The following TIAM2 variants were observed in gnomAD, a reference collection of about 807,000 sequenced individuals.
TIAM2 encodes TIAM Rac1 associated GEF 2, also known as rho guanine nucleotide exchange factor TIAM2.
In TIAM2, 80 loss-of-function variants were observed where a neutral mutation model predicts 152.9. The ratio of observed to expected loss-of-function variants is 0.52; its 90% CI spans 0.44 to 0.63. The LOEUF (loss-of-function observed/expected upper bound fraction) is 0.63. Ranked by LOEUF, TIAM2 falls within the 30% of genes least tolerant of loss-of-function variation. The pLI, the probability that TIAM2 is intolerant of heterozygous loss-of-function variation, is 0.00. For synonymous variants in TIAM2, 804 were observed against 838.0 expected, an observed-to-expected ratio of 0.96 and a Z score of 0.70; for missense variants, 1,965 against 2,120.1, an observed-to-expected ratio of 0.93 and a Z score of 1.44.
At position 155,009,046 on chromosome 6, in the gene TIAM2, C is replaced by T. The variant is rs138526032; in HGVS notation, c.-209+13554C>T. On this transcript the variant is annotated intron_variant, in intron 1 of 26. Coordinates refer to ENST00000682666, the MANE Select transcript of TIAM2 (RefSeq NM_012454.4). ...CAGAATCACCTGGAGGGCTTGCTAACGCATAAATCTCTGGGTCCTGTCCTC... is the reference window on the plus strand; with the variant it reads ...CAGAATCACCTGGAGGGCTTGCTAATGCATAAATCTCTGGGTCCTGTCCTC... 6.5e-4 allele frequency among the ~76,000 whole-genome samples: 95 copies of T among 145,996 alleles called. No homozygotes were observed. The East Asian group carries it at 0.013, about 20-fold the overall frequency.
chr6:154,999,966 C>G (rs143362904), intron 1 of TIAM2, among the ~76,000 whole-genome samples: 1 of 152,154 alleles, frequency 6.6e-6, no homozygotes, highest in South Asian at 2.1e-4. Flanking sequence ...TGTGAGCCAC[C>G]GCGCCCAACC....
intron 15 of TIAM2, among the ~76,000 whole-genome samples, chr6:155,237,556 C>T (rs1168822754): frequency 6.6e-6 from 1 of 152,228 alleles, no homozygotes; most frequent in Non-Finnish European, 1.5e-5. Context: ...AGAGCCCTGC[C>T]CCTGCAGCAA....
intron 15 of TIAM2, among the ~76,000 whole-genome samples, chr6:155,215,332 C>A (rs554697471): frequency 6.6e-6 from 1 of 152,094 alleles, no homozygotes; most frequent in African/African-American, 2.4e-5. Flanking sequence ...GAAATTGGGG[C>A]CGTCTGAGCT....
At chr6:155,140,573 T>TGTGTGAGAGA (rs1331424200) in intron 5 of TIAM2, among the ~76,000 whole-genome samples, 15 of 107,470 alleles carry the variant, frequency 1.4e-4, no homozygotes, top group African/African-American at 5.4e-4. Flanking sequence ...TGTGTGTGTG[T>TGTGTGAGAGA]GAGAGAGAGA....
At chr6:155,122,513 T>A (rs1000062581) in intron 2 of TIAM2, among the ~76,000 whole-genome samples, 14 of 149,692 alleles carry the variant, frequency 9.4e-5, no homozygotes, top group Non-Finnish European at 1.5e-4. Flanking sequence ...GAATGGAGAA[T>A]GGATGGTAGG....
chr6:155,003,185 G>A (rs1476763387), intron 1 of TIAM2, among the ~76,000 whole-genome samples: 1 of 152,168 alleles, frequency 6.6e-6, no homozygotes, highest in Non-Finnish European at 1.5e-5. Context: ...ATAACAAAGT[G>A]CTGAAAGTTA....
rs921405025 is a variant in TIAM2, at chr6:155,257,464, T to A, written c.*343T>A. The A allele has an allele frequency of 4.1e-5, 14 of 340,066 alleles. No homozygotes were observed. The highest frequency in any genetic ancestry group is 6.9e-5 in the East Asian group (1 of 14,398). 21.1% of individuals were successfully genotyped at this position (340,066 alleles called of 1,614,324 possible). The stretch of plus-strand genomic sequence containing the variant: ...TAATAGTTTTCAAAGGGCCATTTTT[T>A]AAAATCCTCTGGGCATTTTCTTTCA... On this transcript the variant is annotated 3_prime_UTR_variant, in exon 27 of 27. Transcript: ENST00000682666.
At chr6:155,247,784 C>T (rs756377486) in intron 19 of TIAM2, among the ~76,000 whole-genome samples, 7 of 152,202 alleles carry the variant, frequency 4.6e-5, no homozygotes, top group Non-Finnish European at 8.8e-5. Context: ...ATTCCATCCT[C>T]GGAAGCTCCC....
At chr6:155,135,641 T>C (rs966387257) in intron 4 of TIAM2, among the ~76,000 whole-genome samples, 6 of 152,232 alleles carry the variant, frequency 3.9e-5, no homozygotes, top group Non-Finnish European at 8.8e-5. Context: ...AATGTCTTTA[T>C]GTTTTCAGCT....
chr6:155,118,252 C>T (rs963052694), intron 2 of TIAM2, among the ~76,000 whole-genome samples: 2 of 152,112 alleles, frequency 1.3e-5, no homozygotes, highest in Non-Finnish European at 2.9e-5. Flanking sequence ...ACCTGCACCC[C>T]CTTCACACCT....
intron 12 of TIAM2, among the ~76,000 whole-genome samples, chr6:155,180,975 T>C (rs1383324217): frequency 1.3e-5 from 2 of 152,180 alleles, no homozygotes; most frequent in African/African-American, 4.8e-5. Context: ...TGGCCTTCAC[T>C]GTGCTTTTTG....
chr6:155,185,123 C>CTTTTT (rs11404301), intron 14 of TIAM2, among the ~76,000 whole-genome samples: 15 of 92,392 alleles, frequency 1.6e-4, no homozygotes, highest in Admixed American at 4.3e-4. Flanking sequence ...GCAAATTTAC[C>CTTTTT]TTTTTTTTTT....
rs1339966010 is a variant in TIAM2, at chr6:155,257,362, C to T, written c.*241C>T. On this transcript the variant is annotated 3_prime_UTR_variant, in exon 27 of 27. Transcript: ENST00000682666. ...GTTTATATCCACTTTGAGCAGGTAT[C>T]AAATGATTTAGGATCCTTAAAATTA... 2.0e-6 allele frequency: 1 copy of T among 495,836 alleles called. No individual in the cohort carries two copies. Among genetic ancestry groups the T allele is most frequent in the East Asian group, 3.9e-5 (1 of 25,860 alleles). 30.7% of individuals were successfully genotyped at this position (495,836 alleles called of 1,614,324 possible).
chr6:155,153,621 C>CTT (rs35672714), intron 7 of TIAM2, among the ~76,000 whole-genome samples: 43,751 of 104,904 alleles, frequency 0.42, 10,987 homozygotes, highest in Admixed American at 0.54. Context: ...GCTGTTTACG[C>CTT]TTTTTTTTTT....
intron 6 of TIAM2, among the ~76,000 whole-genome samples, chr6:155,146,770 T>C (rs1297127735): frequency 2.7e-4 from 5 of 18,528 alleles, no homozygotes; most frequent in African/African-American, 7.0e-4. Flanking sequence ...CCTGGCTAAT[T>C]TTTTTTTTTT....
chr6:155,251,831 T>A, intron 22 of TIAM2, 114 bp from the exon 23 acceptor site: 1 of 781,812 alleles, frequency 1.3e-6, no homozygotes, highest in Non-Finnish European at 2.1e-6. Flanking sequence ...CAGAGTGAGG[T>A]CTTAGAGACT....
chr6:155,164,719 G>A (rs1278176103), intron 8 of TIAM2, 119 bp downstream of exon 8: 1 of 1,262,940 alleles, frequency 7.9e-7, no homozygotes, highest in Non-Finnish European at 1.1e-6. Context: ...GACACCTAGA[G>A]GCCAGGTCAC....
chr6:155,114,048 T>A lies in TIAM2; in HGVS notation c.-117-13442T>A, dbSNP rs1459919540. Among the ~76,000 whole-genome samples, 249 of 61,456 alleles carry A rather than the reference T, an allele frequency of 4.1e-3. 5 individuals carry two copies. The highest frequency in any genetic ancestry group is 0.013 in the African/African-American group (174 of 12,938). The allele number at this position is 61,456 out of a possible 152,430, so 40.3% of individuals were successfully genotyped here. On this transcript the variant is annotated intron_variant, in intron 2 of 26. Coordinates refer to ENST00000682666, the MANE Select transcript of TIAM2 (RefSeq NM_012454.4). ...TATATATATATATATTTTTTTTTTT[T>A]TCTTTTTTTTTTTTTTTTTTTTTGA... is the stretch of plus-strand genomic sequence containing the variant.
chr6:155,011,175 T>A (rs543847259), intron 1 of TIAM2, among the ~76,000 whole-genome samples: 1 of 152,288 alleles, frequency 6.6e-6, no homozygotes, highest in Admixed American at 6.5e-5. Context: ...CTTAGGATAT[T>A]TCAGGCGGTT....
Sources: allele counts gnomAD v4.1 joint callset (sites outside exome capture counted in the v4.1 genomes callset), GRCh38; gene constraint gnomAD v4.1.1; transcripts MANE v1.5; gene names NCBI Gene and HGNC (gene_info 2026-07-23, HGNC 2026-07-21).